Variants in PARP16 observed in about 807,000 individuals in gnomAD.
PARP16 encodes the protein poly(ADP-ribose) polymerase family member 16.
In PARP16, 31 loss-of-function variants were observed where a neutral mutation model predicts 35.0. That is an observed-to-expected ratio of 0.88 (90% CI 0.66 to 1.19). PARP16 has a LOEUF of 1.19. Among genes scored for constraint, PARP16 ranks in the 50% most tolerant of loss-of-function variants. The probability of loss-of-function intolerance (pLI) is 0.00; values close to 1 mark genes in which losing one functional copy is unlikely to be tolerated. For missense variants in PARP16, 424 were observed against 411.2 expected (o/e 1.03, Z -0.27); for synonymous variants, 162 against 169.5 (o/e 0.96, Z 0.34).
intron 3 of PARP16, among the ~76,000 whole-genome samples, chr15:65,235,441 C>G (rs2088851380): frequency 6.6e-6 from 1 of 152,022 alleles, no homozygotes; most frequent in African/African-American, 2.4e-5. Flanking sequence ...TAATTAGATA[C>G]AAGTCATTAG....
At chr15:65,285,195 T>A (rs1429860313) in intron 1 of PARP16, among the ~76,000 whole-genome samples, 1 of 130,598 alleles carries the variant, frequency 7.7e-6, no homozygotes, top group Non-Finnish European at 1.7e-5. Flanking sequence ...TGGACTGCAA[T>A]GGCGCAATCT....
chr15:65,267,710 A>G (rs2089951829), intron 2 of PARP16, among the ~76,000 whole-genome samples: 2 of 37,832 alleles, frequency 5.3e-5, no homozygotes, highest in African/African-American at 1.1e-4. Flanking sequence ...TTTTTTTGAG[A>G]CAGTCTCGCT....
chr15:65,261,137 C>A, intron 4 of PARP16, 111 bp from the exon 5 acceptor site: 1 of 984,108 alleles, frequency 1.0e-6, no homozygotes, highest in Non-Finnish European at 1.5e-6. Flanking sequence ...GAAGGCCTGG[C>A]AGGCTGAGGA....
At position 65,280,510 on chromosome 15, in the gene PARP16, C is replaced by T. The variant is rs568719466; in HGVS notation, c.174+5743G>A. 4.1e-4 allele frequency among the ~76,000 whole-genome samples: 61 copies of T among 149,236 alleles called. 2 individuals carry two copies. In the South Asian group the frequency reaches 0.013, roughly 31 times the overall value. On this transcript the variant is annotated intron_variant, in intron 1 of 5. Coordinates refer to ENST00000649807, the MANE Select transcript of PARP16 (RefSeq NM_001316943.2). ...CAGAATGTATCCAAGAAGACAACAA[C>T]AGATATAAACAATGATTAATGTAGA...
At chr15:65,272,927 C>T (rs1279876324) in intron 1 of PARP16, among the ~76,000 whole-genome samples, 1 of 152,142 alleles carries the variant, frequency 6.6e-6, no homozygotes, top group Non-Finnish European at 1.5e-5. Flanking sequence ...ACACTGTCCT[C>T]CCAAACCCTG....
intron 3 of PARP16, among the ~76,000 whole-genome samples, chr15:65,235,861 GTTT>G (rs752611247): frequency 8.2e-6 from 1 of 122,012 alleles, no homozygotes; most frequent in Non-Finnish European, 1.7e-5. Flanking sequence ...TGCAGATATG[GTTT>G]TTTTTTTTTT....
intron 2 of PARP16, among the ~76,000 whole-genome samples, chr15:65,249,458 G>A (rs186744569): frequency 4.7e-4 from 72 of 152,318 alleles, no homozygotes; most frequent in African/African-American, 1.7e-3. Flanking sequence ...GGCAAAATGG[G>A]GACTCAGGAG....
rs371167538 is a variant in PARP16 at position 65,271,083 on chromosome 15, G to A, written c.175-11C>T. On this transcript the variant is annotated splice_polypyrimidine_tract_variant and intron_variant, in intron 1 of 5. Coordinates refer to ENST00000649807, the MANE Select transcript of PARP16 (RefSeq NM_001316943.2). ...GCTGGCATCTGCAAGCTGAAGCGAC[G>A]GAAGAACTTCCATTAGCAAGGATCC... The A allele has an allele frequency of 5.5e-5, 89 of 1,613,688 alleles. No homozygotes were observed. Among genetic ancestry groups the A allele is most frequent in the Middle Eastern group, 3.3e-4 (2 of 6,080 alleles).
rs565133510 is a variant in PARP16 at position 65,235,255 on chromosome 15, C to T, written c.*98-432G>A. ...CTGGGAGGCGGAGCTTGCAGTGAGC[C>T]GAGATCGCGCCACTGCACTTCAGCC... On this transcript the variant is annotated intron_variant and NMD_transcript_variant, in intron 3 of 3. Coordinates refer to the PARP16 transcript ENST00000559805. Among the ~76,000 whole-genome samples, 8 of 151,578 alleles carry T rather than the reference C, an allele frequency of 5.3e-5. No homozygotes were observed. The East Asian group carries it at 9.7e-4, about 18-fold the overall frequency.
At chr15:65,256,409 T>G (rs1234917805), downstream of PARP16, among the ~76,000 whole-genome samples, 1 of 143,768 alleles carries the variant, frequency 7.0e-6, no homozygotes, top group Non-Finnish European at 1.5e-5. Flanking sequence ...GCCCACGGCT[T>G]TTTTTTTTTT....
At chr15:65,272,228 G>A (rs1282125885) in intron 1 of PARP16, among the ~76,000 whole-genome samples, 4 of 152,234 alleles carry the variant, frequency 2.6e-5, no homozygotes, top group African/African-American at 9.6e-5. Context: ...GCTGTCATCA[G>A]TCCTAGAGCC....
intron 1 of PARP16, among the ~76,000 whole-genome samples, chr15:65,271,720 C>T (rs1192784803): frequency 1.3e-5 from 2 of 152,110 alleles, no homozygotes; most frequent in Non-Finnish European, 2.9e-5. Context: ...GGCATGCCAC[C>T]CACTGGAGGT....
Position 65,261,009 on chromosome 15 carries a change from G to A in PARP16, c.709C>T (p.Arg237Cys), listed in dbSNP as rs770884909. The A allele has an allele frequency of 5.6e-6, 9 of 1,613,530 alleles. No homozygotes were observed. The highest frequency in any genetic ancestry group is 4.5e-5 in the East Asian group (2 of 44,852). The change falls in exon 5 of 6, where the codon CGC (arginine) becomes TGC (cysteine). Residue 237 changes from arginine to cysteine, a missense_variant. Physicochemically the swap from Arg to Cys is radical, Grantham distance 180. Coordinates refer to ENST00000649807, the MANE Select transcript of PARP16 (RefSeq NM_001316943.2). ...CTATGTTTGATTCTCGCTCGTCTGC[G>A]ATCTATCTCCTTGGAATCTGAATAA... The part of the protein sequence containing the change: ...TKKKDSKEID[R>C]RRARIKHSEG...
chr15:65,275,142 G>A (rs751394922), intron 1 of PARP16, among the ~76,000 whole-genome samples: 9 of 151,836 alleles, frequency 5.9e-5, no homozygotes, highest in Non-Finnish European at 8.8e-5. Flanking sequence ...ATTCACTGTC[G>A]TAACAAAGTT....
At chr15:65,266,882 C>G (rs913469391) in intron 2 of PARP16, 114 bp from the exon 3 acceptor site, 1 of 731,606 alleles carries the variant, frequency 1.4e-6, no homozygotes, top group African/African-American at 1.8e-5. Flanking sequence ...ATGAGAACAA[C>G]AGGTTTCATG....
chr15:65,267,678 CTTTTTTT>C lies in PARP16; in HGVS notation c.313-917_313-911del, dbSNP rs556058787. Among the ~76,000 whole-genome samples the C allele has an allele frequency of 9.7e-3, 513 of 52,980 alleles. 2 individuals carry two copies. Among genetic ancestry groups the C allele is most frequent in the African/African-American group, 0.027 (368 of 13,698 alleles). 34.8% of individuals were successfully genotyped at this position (52,980 alleles called of 152,430 possible). ...TGGAGATCACTTCTAATTTTCCTAA[CTTTTTTT>C]TTTTTTTTTTTTTTTTTTTTTGAGA... On this transcript the variant is annotated intron_variant, in intron 2 of 5. Coordinates refer to ENST00000649807, the MANE Select transcript of PARP16 (RefSeq NM_001316943.2).
At chr15:65,253,338 T>C (rs1441650211), downstream of PARP16, among the ~76,000 whole-genome samples, 1 of 148,872 alleles carries the variant, frequency 6.7e-6, no homozygotes, top group African/African-American at 2.5e-5. Context: ...TTCATTCTCT[T>C]TTTTTTTTTT....
At chr15:65,248,646 C>T (rs565373604) in intron 2 of PARP16, among the ~76,000 whole-genome samples, 1 of 152,288 alleles carries the variant, frequency 6.6e-6, no homozygotes, top group South Asian at 2.1e-4. Context: ...GCTGCAGGCC[C>T]AAAACAGACT....
chr15:65,283,235 A>G (rs2090472970), intron 1 of PARP16, among the ~76,000 whole-genome samples: 1 of 152,032 alleles, frequency 6.6e-6, no homozygotes, highest in African/African-American at 2.4e-5. Flanking sequence ...CCAGGAGTTC[A>G]AGACCAGTCT....
Sources: gnomAD v4.1 joint callset for allele counts (sites outside exome capture counted in the v4.1 genomes callset) on GRCh38, gnomAD v4.1.1 for gene constraint, MANE v1.5 for transcripts, NCBI Gene and HGNC (gene_info 2026-07-23, HGNC 2026-07-21) for gene names.